The following CAMTA1 variants were observed in gnomAD, a reference collection of about 807,000 sequenced individuals.
CAMTA1 encodes calmodulin binding transcription activator 1.
CAMTA1 carries 27 observed loss-of-function variants against 170.9 expected under a neutral mutation model. That is an observed-to-expected ratio of 0.16 (90% CI 0.12 to 0.22). The LOEUF (loss-of-function observed/expected upper bound fraction) is 0.22. CAMTA1 is among the 10% of genes least tolerant of loss of function. The pLI, the probability that CAMTA1 is intolerant of heterozygous loss-of-function variation, is 1.00. For synonymous variants in CAMTA1, 833 were observed against 891.5 expected, an observed-to-expected ratio of 0.93 and a Z score of 1.17; for missense variants, 1,619 against 2,217.2, an observed-to-expected ratio of 0.73 and a Z score of 5.42.
At position 6,785,459 on chromosome 1, in the gene CAMTA1, CG is replaced by C; in HGVS notation, c.-68del. On this transcript the variant is annotated 5_prime_UTR_variant, in exon 1 of 23. Coordinates refer to ENST00000303635, the MANE Select transcript of CAMTA1 (RefSeq NM_015215.4). ...GGCCAGGGCGGGTGCGCGGCGGCGG[CG>C]GGGTGGCTGGGCCGGCGGCGGCGGC... The C allele has an allele frequency of 1.1e-6, 1 of 950,540 alleles. No individual in the cohort carries two copies. The highest frequency in any genetic ancestry group is 1.3e-6 in the Non-Finnish European group (1 of 788,724). The allele number at this position is 950,540 out of a possible 1,614,324, so 58.9% of individuals were successfully genotyped here.
chr1:7,521,939 A>C (rs12067951), intron 6 of CAMTA1, among the ~76,000 whole-genome samples: 9,538 of 152,242 alleles, frequency 0.063, 850 homozygotes, highest in African/African-American at 0.2. Context: ...GGACGTCCGG[A>C]TGTTTCCATT....
At chr1:7,606,482 G>C (rs72630507) in intron 6 of CAMTA1, among the ~76,000 whole-genome samples, 20,311 of 152,156 alleles carry the variant, frequency 0.13, 1,469 homozygotes, top group African/African-American at 0.14. Context: ...CCAGAAACTT[G>C]CTGTATCTGT....
chr1:7,692,904 A>G (rs1335403453), intron 11 of CAMTA1, among the ~76,000 whole-genome samples: 6 of 152,176 alleles, frequency 3.9e-5, no homozygotes, highest in Non-Finnish European at 8.8e-5. Context: ...GAACAACACA[A>G]TTAATGTGAG....
intron 5 of CAMTA1, among the ~76,000 whole-genome samples, chr1:7,257,599 G>A (rs6661170): frequency 0.6 from 90,958 of 152,048 alleles, 27,872 homozygotes; most frequent in African/African-American, 0.66. Flanking sequence ...CTCTTGCTAC[G>A]CAGGCCAGAT....
At position 7,547,473 on chromosome 1, in the gene CAMTA1, T is replaced by A. The variant is rs2094712861; in HGVS notation, c.510+79572T>A. On this transcript the variant is annotated intron_variant, in intron 6 of 22. Transcript: ENST00000303635. This position sits in a 1 kb window ranked among gnomAD's most constrained non-coding sequence, Gnocchi z 5.7. ...AAAAATATCCAGGAAAAAAATTGCA[T>A]TTGTACCAAACATATTTTTTTCTTA... Among the ~76,000 whole-genome samples the A allele has an allele frequency of 6.6e-6, 1 of 152,146 alleles. No homozygotes were observed. The highest frequency in any genetic ancestry group is 2.1e-4 in the South Asian group (1 of 4,824).
intron 6 of CAMTA1, among the ~76,000 whole-genome samples, chr1:7,594,210 G>GA (rs2095379146): frequency 6.7e-6 from 1 of 148,662 alleles, no homozygotes; most frequent in African/African-American, 2.5e-5. Context: ...GGGAAGGAAG[G>GA]AAGGAAGGAA....
intron 4 of CAMTA1, among the ~76,000 whole-genome samples, chr1:7,117,883 C>T (rs1644426100): frequency 6.6e-6 from 1 of 152,178 alleles, no homozygotes; most frequent in African/African-American, 2.4e-5. Flanking sequence ...CCCTACCAGG[C>T]CTGCCCACTC....
At chr1:6,903,725 A>T (rs1331067850) in intron 3 of CAMTA1, among the ~76,000 whole-genome samples, 1 of 152,192 alleles carries the variant, frequency 6.6e-6, no homozygotes, top group African/African-American at 2.4e-5. Context: ...GAAGAAGTTG[A>T]AGACTTTCCA....
chr1:6,866,966 T>C (rs17029963), intron 3 of CAMTA1, among the ~76,000 whole-genome samples: 9,884 of 152,338 alleles, frequency 0.065, 350 homozygotes, highest in Middle Eastern at 0.099. Flanking sequence ...TCTCTCAGCT[T>C]CCTTTGTGTG....
At chr1:7,516,352 G>T (rs573417432) in intron 6 of CAMTA1, among the ~76,000 whole-genome samples, 12 of 152,324 alleles carry the variant, frequency 7.9e-5, no homozygotes, top group Middle Eastern at 3.4e-3. Flanking sequence ...CTGTCCCGAA[G>T]CCTCCTGTTG....
At chr1:7,141,413 A>G (rs1645881135) in intron 4 of CAMTA1, among the ~76,000 whole-genome samples, 1 of 152,210 alleles carries the variant, frequency 6.6e-6, no homozygotes, top group African/African-American at 2.4e-5. Context: ...CTCTGTTAAA[A>G]TATGGACCAC....
chr1:7,689,261 C>A (rs1290565538), intron 11 of CAMTA1, among the ~76,000 whole-genome samples: 1 of 120,354 alleles, frequency 8.3e-6, no homozygotes, highest in Non-Finnish European at 1.7e-5. Context: ...AAGTGAAACT[C>A]CTTCTCAAAA....
At chr1:7,033,588 C>CTTTTTTTT (rs34282545) in intron 3 of CAMTA1, among the ~76,000 whole-genome samples, 12 of 95,128 alleles carry the variant, frequency 1.3e-4, no homozygotes, top group African/African-American at 2.0e-4. Flanking sequence ...TGTAAATATT[C>CTTTTTTTT]TTTTTTTTTT....
intron 3 of CAMTA1, among the ~76,000 whole-genome samples, chr1:6,825,553 T>C (rs1021985915): frequency 2.6e-5 from 4 of 152,230 alleles, no homozygotes; most frequent in Non-Finnish European, 5.9e-5. Context: ...CATGAATTAA[T>C]AAATATACAG....
At chr1:7,434,210 CTCTGCTCTTTCCCAAGGGA>C (rs1433050418) in intron 5 of CAMTA1, among the ~76,000 whole-genome samples, 1 of 152,206 alleles carries the variant, frequency 6.6e-6, no homozygotes, top group Non-Finnish European at 1.5e-5. Context: ...TTGCAGAACT[CTCTGCTCTTTCCCAAGGGA>C]TCAGCTCATG....
chr1:7,205,852 T>C (rs1657638955), intron 4 of CAMTA1, among the ~76,000 whole-genome samples: 1 of 152,206 alleles, frequency 6.6e-6, no homozygotes, highest in Admixed American at 6.5e-5. Context: ...ATTTTTTTTC[T>C]TACATTTAAT....
In CAMTA1 at chr1:7,087,656, G is replaced by C. The variant is rs143554008; in HGVS notation, c.235-3648G>C. ...ACAGGTACTGGCCATGTGACCTTAG[G>C]CAAGTCACTTAACCACTCTGTGCCT... On this transcript the variant is annotated intron_variant, in intron 3 of 22. Transcript: ENST00000303635. 4.6e-5 allele frequency among the ~76,000 whole-genome samples: 7 copies of C among 152,298 alleles called. No individual in the cohort carries two copies. In the East Asian group the frequency reaches 1.3e-3, roughly 29 times the overall value.
At chr1:7,384,473 G>T (rs531212100) in intron 5 of CAMTA1, among the ~76,000 whole-genome samples, 5 of 152,366 alleles carry the variant, frequency 3.3e-5, no homozygotes, top group South Asian at 2.1e-4. Context: ...ATGAGTCGAT[G>T]TGTGGGCCTT....
At chr1:7,697,932 G>C (rs2096393998) in intron 11 of CAMTA1, among the ~76,000 whole-genome samples, 2 of 152,144 alleles carry the variant, frequency 1.3e-5, no homozygotes. Context: ...TGATGAGAAT[G>C]GGTACTTTCT....
Sources: allele counts gnomAD v4.1 joint callset (sites outside exome capture counted in the v4.1 genomes callset), GRCh38; gene constraint gnomAD v4.1.1; non-coding constraint Gnocchi (gnomAD v3.1); transcripts MANE v1.5; gene names NCBI Gene and HGNC (gene_info 2026-07-23, HGNC 2026-07-21).